NAALADL2: variants seen among roughly 807,000 people sequenced by gnomAD.
NAALADL2 encodes inactive N-acetylated-alpha-linked acidic dipeptidase-like protein 2.
In NAALADL2, 76 loss-of-function variants were observed where a neutral mutation model predicts 87.2. The ratio of observed to expected loss-of-function variants is 0.87; its 90% CI spans 0.72 to 1.05. The LOEUF is 1.05. NAALADL2 is among the 50% of genes least tolerant of loss of function. The pLI, the probability that NAALADL2 is intolerant of heterozygous loss-of-function variation, is 0.00. For missense variants in NAALADL2, 1,089 were observed against 945.8 expected (o/e 1.15, Z -1.99); for synonymous variants, 354 against 331.0 (o/e 1.07, Z -0.75).
intron 11 of NAALADL2, among the ~76,000 whole-genome samples, chr3:175,667,722 GA>G (rs1733389584): frequency 6.7e-6 from 1 of 149,144 alleles, no homozygotes; most frequent in South Asian, 2.1e-4. Context: ...CATAACCTCA[GA>G]TATCTGTGTG....
intron 2 of NAALADL2, among the ~76,000 whole-genome samples, chr3:175,232,197 A>G (rs1745052201): frequency 6.6e-6 from 1 of 151,102 alleles, no homozygotes; most frequent in South Asian, 2.1e-4. Context: ...GAAGAGGAAG[A>G]AGAAGAAGAA....
chr3:174,712,982 TG>T (rs1730819842), intron 2 of NAALADL2, among the ~76,000 whole-genome samples: 1 of 150,384 alleles, frequency 6.6e-6, no homozygotes, highest in African/African-American at 2.4e-5. Flanking sequence ...GGCCCCAGTG[TG>T]TGATGTTCCC....
At chr3:174,941,439 G>A (rs1184863399) in intron 1 of NAALADL2, among the ~76,000 whole-genome samples, 1 of 152,046 alleles carries the variant, frequency 6.6e-6, no homozygotes, top group Non-Finnish European at 1.5e-5. Flanking sequence ...TTTAGATTAT[G>A]TGCCGTATGG....
Position 175,179,584 on chromosome 3 carries a change from C to T in NAALADL2, c.546-54347C>T, listed in dbSNP as rs77208655. ...AATATGAATATTTTTCTAGTGTCCC[C>T]AGGTTCCTGGAAACTTTTAGTTTAA... On this transcript the variant is annotated intron_variant, in intron 2 of 13. Coordinates refer to ENST00000454872, the MANE Select transcript of NAALADL2 (RefSeq NM_207015.3). Among the ~76,000 whole-genome samples, 891 of 151,902 alleles carry T rather than the reference C, an allele frequency of 5.9e-3. 1 individual carries two copies. The highest frequency in any genetic ancestry group is 0.027 in the East Asian group (138 of 5,164).
At chr3:174,766,199 A>C (rs1415349321) in intron 3 of NAALADL2, among the ~76,000 whole-genome samples, 1 of 152,010 alleles carries the variant, frequency 6.6e-6, no homozygotes, top group Non-Finnish European at 1.5e-5. Flanking sequence ...TTCACTTCTG[A>C]TATCATGTTA....
chr3:174,875,263 A>C (rs1173313901), intron 1 of NAALADL2, among the ~76,000 whole-genome samples: 1 of 152,210 alleles, frequency 6.6e-6, no homozygotes, highest in South Asian at 2.1e-4. Flanking sequence ...TAAGAAAATA[A>C]ACAATATAAA....
At chr3:175,654,226 T>C (rs370689743) in intron 11 of NAALADL2, among the ~76,000 whole-genome samples, 3 of 152,312 alleles carry the variant, frequency 2.0e-5, no homozygotes, top group East Asian at 3.9e-4. Context: ...TACTAATGAG[T>C]GTTTTTGTGG....
chr3:174,801,464 T>G (rs1298741497), intron 3 of NAALADL2, among the ~76,000 whole-genome samples: 2 of 152,190 alleles, frequency 1.3e-5, no homozygotes, highest in African/African-American at 4.8e-5. Flanking sequence ...TCCATTAAAT[T>G]TCTTTCTTTT....
chr3:174,863,727 A>G, intron 1 of NAALADL2: 2 of 198,340 alleles, frequency 1.0e-5, no homozygotes, highest in Admixed American at 6.0e-5. Flanking sequence ...CTCTGTATTC[A>G]TCATCAGAAA....
At chr3:174,472,681 A>G (rs772964445) in intron 1 of NAALADL2, among the ~76,000 whole-genome samples, 9 of 152,120 alleles carry the variant, frequency 5.9e-5, no homozygotes, top group Non-Finnish European at 1.0e-4. Flanking sequence ...ATTGTCATAC[A>G]TATTTTTTTC....
chr3:175,029,154 T>G (rs542395542), intron 1 of NAALADL2, among the ~76,000 whole-genome samples: 26 of 151,966 alleles, frequency 1.7e-4, no homozygotes, highest in African/African-American at 5.5e-4. Flanking sequence ...GGACTTTACA[T>G]GATGAACAAA....
intron 13 of NAALADL2, among the ~76,000 whole-genome samples, chr3:175,780,809 G>T (rs1186287590): frequency 6.6e-6 from 1 of 152,218 alleles, no homozygotes; most frequent in South Asian, 2.1e-4. Context: ...TTTAAGAATA[G>T]GCATCATTAA....
At chr3:175,327,406 C>T (rs139753141) in intron 5 of NAALADL2, among the ~76,000 whole-genome samples, 2,025 of 152,214 alleles carry the variant, frequency 0.013, 49 homozygotes, top group African/African-American at 0.046. Context: ...CCGCCCACCT[C>T]GGCCTCCCAA....
chr3:175,720,204 A>G (rs1742033473), intron 11 of NAALADL2, among the ~76,000 whole-genome samples: 1 of 152,170 alleles, frequency 6.6e-6, no homozygotes, highest in African/African-American at 2.4e-5. Context: ...ATCCATCTGA[A>G]CACAACAATC....
At chr3:175,551,356 CAA>C (rs1259074618) in intron 9 of NAALADL2, among the ~76,000 whole-genome samples, 1 of 152,086 alleles carries the variant, frequency 6.6e-6, no homozygotes, top group Non-Finnish European at 1.5e-5. Flanking sequence ...AAGACAGTAA[CAA>C]AAACGATAGA....
At chr3:175,099,292 A>G (rs1416372760) in intron 2 of NAALADL2, among the ~76,000 whole-genome samples, 2 of 152,202 alleles carry the variant, frequency 1.3e-5, no homozygotes, top group East Asian at 3.9e-4. Flanking sequence ...TTACACTCCA[A>G]AATCAACAAA....
In NAALADL2 at chr3:174,778,013, A is replaced by T. The variant is rs118045146; in HGVS notation, c.-9+40267A>T. 7.9e-4 allele frequency among the ~76,000 whole-genome samples: 120 copies of T among 152,244 alleles called. 1 individual carries two copies. In the East Asian group the frequency reaches 0.02, roughly 25 times the overall value. On this transcript the variant is annotated intron_variant, in intron 3 of 3. Transcript: ENST00000434257. ...GGGATGATATAGTACTAGCATTCCA[A>T]TGCTATGACAATTACACAGATTTTA...
intron 5 of NAALADL2, among the ~76,000 whole-genome samples, chr3:175,346,403 T>C (rs1763163226): frequency 6.6e-6 from 1 of 152,192 alleles, no homozygotes; most frequent in Non-Finnish European, 1.5e-5. Flanking sequence ...ACATTCCATA[T>C]GCTGTGCCCA....
chr3:175,613,617 C>T (rs1462562388), intron 10 of NAALADL2, among the ~76,000 whole-genome samples: 2 of 152,134 alleles, frequency 1.3e-5, no homozygotes, highest in African/African-American at 2.4e-5. Context: ...TCATATGTTT[C>T]ATTTGGCTAT....
Sources: gnomAD v4.1 joint callset for allele counts (sites outside exome capture counted in the v4.1 genomes callset) on GRCh38, gnomAD v4.1.1 for gene constraint, MANE v1.5 for transcripts, NCBI Gene and HGNC (gene_info 2026-07-23, HGNC 2026-07-21) for gene names.